PARD3: variants seen among roughly 807,000 people sequenced by gnomAD.
PARD3 encodes the protein par-3 family cell polarity regulator.
A neutral mutation model predicts 155.4 loss-of-function variants in PARD3; 75 were observed. The observed-to-expected ratio is 0.48, with a 90% CI of 0.40 to 0.58. The LOEUF (loss-of-function observed/expected upper bound fraction) is 0.58, where lower values mean the gene tolerates loss of function less well. Among genes scored for constraint, PARD3 ranks in the 20% least tolerant of loss-of-function variants. The pLI, the probability that PARD3 is intolerant of heterozygous loss-of-function variation, is 0.00. For missense variants in PARD3, 1,642 were observed against 1,721.7 expected (o/e 0.95, Z 0.82); for synonymous variants, 576 against 610.5 (o/e 0.94, Z 0.83).
At chr10:34,512,641 G>T (rs1224353085) in intron 3 of PARD3, among the ~76,000 whole-genome samples, 1 of 152,152 alleles carries the variant, frequency 6.6e-6, no homozygotes, top group Non-Finnish European at 1.5e-5. Context: ...ATTGATTCTA[G>T]ACCTTTTCTG....
At position 34,606,696 on chromosome 10, in the gene PARD3, A is replaced by G. The variant is rs573593739; in HGVS notation, c.223-89537T>C. Among the ~76,000 whole-genome samples the G allele has an allele frequency of 2.4e-3, 360 of 150,472 alleles. 3 individuals are homozygous for G. Among genetic ancestry groups the G allele is most frequent in the South Asian group, 4.8e-3 (23 of 4,772 alleles). On this transcript the variant is annotated intron_variant, in intron 2 of 24. Transcript: ENST00000374788. ...ATCAATAAGACAGCTCTGGCTGGGC[A>G]TGGTGGCTCACGCCTGTAATCCCAG...
chr10:34,378,304 AAC>A (rs1427227602), intron 9 of PARD3, among the ~76,000 whole-genome samples, 198 bp from the exon 10 acceptor site: 1 of 152,222 alleles, frequency 6.6e-6, no homozygotes, highest in African/African-American at 2.4e-5. Flanking sequence ...TTTACATATC[AAC>A]AGTTATTAAT....
At chr10:34,799,532 T>C (rs1346945765) in intron 1 of PARD3, among the ~76,000 whole-genome samples, 2 of 152,150 alleles carry the variant, frequency 1.3e-5, no homozygotes, top group East Asian at 1.9e-4. Context: ...ACTTCTTCCC[T>C]GAACCCATAA....
At chr10:34,433,908 C>T (rs548648702) in intron 5 of PARD3, among the ~76,000 whole-genome samples, 141 of 152,066 alleles carry the variant, frequency 9.3e-4, no homozygotes, top group African/African-American at 1.4e-3. Flanking sequence ...ATGCCTCCCT[C>T]GAAAACAAAG....
At chr10:34,559,822 G>A (rs17490612) in intron 2 of PARD3, among the ~76,000 whole-genome samples, 1,963 of 152,228 alleles carry the variant, frequency 0.013, 17 homozygotes, top group Middle Eastern at 0.034. Flanking sequence ...CAACAAAAAC[G>A]CACTTCTGAG....
At chr10:34,482,379 A>G (rs1234585680) in intron 3 of PARD3, among the ~76,000 whole-genome samples, 1 of 151,066 alleles carries the variant, frequency 6.6e-6, no homozygotes, top group East Asian at 2.0e-4. Flanking sequence ...CTATATTACC[A>G]AGGCTGGTCT....
At chr10:34,634,716 GC>G (rs2092404240) in intron 2 of PARD3, among the ~76,000 whole-genome samples, 1 of 152,168 alleles carries the variant, frequency 6.6e-6, no homozygotes, top group South Asian at 2.1e-4. Flanking sequence ...TTGGCTTTTT[GC>G]TGAGACCCTA....
intron 2 of PARD3, among the ~76,000 whole-genome samples, chr10:34,603,583 T>C (rs2089972935): frequency 1.3e-5 from 2 of 152,132 alleles, no homozygotes. Flanking sequence ...GAGTTCAATA[T>C]GCAGACTAGA....
At chr10:34,769,404 A>AC (rs1491485790) in intron 1 of PARD3, among the ~76,000 whole-genome samples, 1 of 151,930 alleles carries the variant, frequency 6.6e-6, no homozygotes, top group African/African-American at 2.4e-5. Flanking sequence ...CTGCCAAAAA[A>AC]CACAGTCAGC....
intron 1 of PARD3, among the ~76,000 whole-genome samples, chr10:34,799,429 G>A (rs1588813612): frequency 6.6e-6 from 1 of 152,172 alleles, no homozygotes; most frequent in East Asian, 1.9e-4. Context: ...CAGTGCTGCT[G>A]GCCCAGAGGC....
intron 14 of PARD3, among the ~76,000 whole-genome samples, chr10:34,349,883 T>C (rs1837856258): frequency 6.6e-6 from 1 of 152,188 alleles, no homozygotes; most frequent in Non-Finnish European, 1.5e-5. Flanking sequence ...CAAAAGGCTA[T>C]TTTAAAATTT....
At chr10:34,505,001 G>A (rs1201862307) in intron 3 of PARD3, among the ~76,000 whole-genome samples, 1 of 151,950 alleles carries the variant, frequency 6.6e-6, no homozygotes, top group Non-Finnish European at 1.5e-5. Flanking sequence ...ACAGAAAAAC[G>A]AACCCAAGTA....
chr10:34,657,033 G>A (rs368079518), intron 2 of PARD3, among the ~76,000 whole-genome samples: 77 of 152,212 alleles, frequency 5.1e-4, no homozygotes, highest in African/African-American at 1.8e-3. Flanking sequence ...GTAGAATTAC[G>A]ATCTGATGCA....
chr10:34,677,066 C>T (rs1209729653), intron 2 of PARD3, among the ~76,000 whole-genome samples: 1 of 152,106 alleles, frequency 6.6e-6, no homozygotes, highest in Non-Finnish European at 1.5e-5. Flanking sequence ...CAACAAACAT[C>T]CAATATGGTG....
intron 3 of PARD3, among the ~76,000 whole-genome samples, chr10:34,484,132 T>C (rs1016055878): frequency 6.6e-6 from 1 of 152,194 alleles, no homozygotes. Context: ...AAAGGACACT[T>C]TTTTAAAATA....
At chr10:34,382,137 T>G (rs907928216) in intron 9 of PARD3, among the ~76,000 whole-genome samples, 1 of 151,712 alleles carries the variant, frequency 6.6e-6, no homozygotes, top group African/African-American at 2.4e-5. Context: ...AAAGTCCTCC[T>G]TGAGGGCTGG....
At chr10:34,460,183 T>C (rs923531284) in intron 4 of PARD3, among the ~76,000 whole-genome samples, 3 of 152,152 alleles carry the variant, frequency 2.0e-5, no homozygotes, top group Non-Finnish European at 4.4e-5. Flanking sequence ...GCATGTTCTC[T>C]AAAAAGGATA....
chr10:34,120,369 A>G (rs994612615), intron 23 of PARD3, among the ~76,000 whole-genome samples: 6 of 152,076 alleles, frequency 3.9e-5, no homozygotes, highest in African/African-American at 1.2e-4. Context: ...TCTCCAGAAT[A>G]CACAGAGCAG....
intron 2 of PARD3, among the ~76,000 whole-genome samples, chr10:34,544,884 C>A (rs2083920100): frequency 6.6e-6 from 1 of 152,122 alleles, no homozygotes; most frequent in African/African-American, 2.4e-5. Flanking sequence ...GAAGTTAAGC[C>A]ATGAAGCAGA....
Sources: gnomAD v4.1 joint callset for allele counts (sites outside exome capture counted in the v4.1 genomes callset) on GRCh38, gnomAD v4.1.1 for gene constraint, MANE v1.5 for transcripts, NCBI Gene and HGNC (gene_info 2026-07-23, HGNC 2026-07-21) for gene names.